Variants in TENT5C observed in about 807,000 individuals in gnomAD.
The protein encoded by TENT5C is family with sequence similarity 46 member C.
In TENT5C, 5 loss-of-function variants were observed where a neutral mutation model predicts 22.2. That is an observed-to-expected ratio of 0.22 (90% CI 0.12 to 0.47). The LOEUF is 0.47. TENT5C is among the 20% of genes least tolerant of loss of function. TENT5C has a pLI of 0.99. For synonymous variants in TENT5C, 199 were observed against 195.4 expected (o/e 1.02, Z -0.15); for missense variants, 364 against 500.9 (o/e 0.73, Z 2.61).
At chr1:117,608,280 A>C (rs963527787) in intron 1 of TENT5C, among the ~76,000 whole-genome samples, 1 of 152,206 alleles carries the variant, frequency 6.6e-6, no homozygotes, top group Non-Finnish European at 1.5e-5. Flanking sequence ...CCTGCTTGTC[A>C]GAGTGAGCAT....
chr1:117,608,215 C>T (rs879634285), intron 1 of TENT5C, among the ~76,000 whole-genome samples: 3 of 152,144 alleles, frequency 2.0e-5, no homozygotes, highest in Admixed American at 1.3e-4. Context: ...CAATACCTAC[C>T]TTGTATCCAG....
Position 117,626,155 on chromosome 1 carries a change from A to C in TENT5C, c.*2111A>C. 1 of 246,676 alleles carries C rather than the reference A, an allele frequency of 4.1e-6. No individual in the cohort carries two copies. Among genetic ancestry groups the C allele is most frequent in the Non-Finnish European group, 8.5e-6 (1 of 117,730 alleles). 15.3% of individuals were successfully genotyped at this position (246,676 alleles called of 1,614,324 possible). ...ATGTGATGAAGCCACCAACATAAGC[A>C]CTTGCCTAACAGAAATCAGTATTTC... On this transcript the variant is annotated 3_prime_UTR_variant, in exon 2 of 2. Transcript: ENST00000369448.
rs1414768010 is a variant in TENT5C at position 117,623,558 on chromosome 1, G to C, written c.690G>C (p.Leu230=). ...EEAFDHLQNR[L]IATKNPEEIR... ...CTTTTGACCATCTGCAGAACAGACT[G>C]ATCGCCACCAAGAACCCAGAAGAAA... The change falls in exon 2 of 2, where the codon CTG becomes CTC. Residue 230 remains leucine, a synonymous_variant. Coordinates refer to ENST00000369448, the MANE Select transcript of TENT5C (RefSeq NM_017709.4). 4 of 1,613,974 alleles carry C rather than the reference G, an allele frequency of 2.5e-6. No individual in the cohort carries two copies. The highest frequency in any genetic ancestry group is 3.4e-6 in the Non-Finnish European group (4 of 1,180,006).
At chr1:117,613,276 A>T (rs1553248822) in intron 1 of TENT5C, among the ~76,000 whole-genome samples, 3 of 152,216 alleles carry the variant, frequency 2.0e-5, no homozygotes, top group Non-Finnish European at 4.4e-5. Flanking sequence ...CCATCTGAAG[A>T]TGTCTGTGTC....
At chr1:117,618,623 G>T (rs542130405) in intron 1 of TENT5C, among the ~76,000 whole-genome samples, 1 of 152,272 alleles carries the variant, frequency 6.6e-6, no homozygotes, top group East Asian at 1.9e-4. Flanking sequence ...AAAGGGGATT[G>T]AAGAAGTTAA....
At chr1:117,607,627 C>A (rs561966908) in intron 1 of TENT5C, among the ~76,000 whole-genome samples, 2 of 152,168 alleles carry the variant, frequency 1.3e-5, no homozygotes, top group Non-Finnish European at 2.9e-5. Flanking sequence ...TTGGCGACAG[C>A]AACCTTTCAA....
intron 1 of TENT5C, among the ~76,000 whole-genome samples, chr1:117,621,133 A>G (rs1028269396): frequency 6.6e-6 from 1 of 152,088 alleles, no homozygotes; most frequent in Non-Finnish European, 1.5e-5. Context: ...ATAGCCTAGG[A>G]CTTTTTAACG....
At chr1:117,617,796 A>C (rs1415601438) in intron 1 of TENT5C, among the ~76,000 whole-genome samples, 1 of 152,226 alleles carries the variant, frequency 6.6e-6, no homozygotes, top group African/African-American at 2.4e-5. Flanking sequence ...CTGTTGGACT[A>C]AGCACTGATG....
At chr1:117,612,112 T>C (rs1273752275) in intron 1 of TENT5C, among the ~76,000 whole-genome samples, 1 of 152,156 alleles carries the variant, frequency 6.6e-6, no homozygotes, top group African/African-American at 2.4e-5. Context: ...CAACCCAAAG[T>C]TATGGAAGGA....
Position 117,608,481 on chromosome 1 carries a change from G to T in TENT5C, c.-28+2328G>T, listed in dbSNP as rs143735698. Among the ~76,000 whole-genome samples the T allele has an allele frequency of 1.8e-3, 269 of 152,162 alleles. 1 individual carries two copies. Among genetic ancestry groups the T allele is most frequent in the African/African-American group, 6.0e-3 (248 of 41,492 alleles). On this transcript the variant is annotated intron_variant, in intron 1 of 1. Transcript: ENST00000369448. The stretch of plus-strand genomic sequence containing the variant: ...CAGATCATGCACATCTTGCGCTGCC[G>T]GTCAGAGAACAGAATTCCTCATATT...
intron 1 of TENT5C, among the ~76,000 whole-genome samples, chr1:117,614,568 C>T (rs1164813620): frequency 6.6e-6 from 1 of 152,196 alleles, no homozygotes; most frequent in Non-Finnish European, 1.5e-5. Context: ...GCAAATTTAT[C>T]AGCCATTTCT....
At chr1:117,620,356 T>G (rs1003853655) in intron 1 of TENT5C, among the ~76,000 whole-genome samples, 9 of 152,246 alleles carry the variant, frequency 5.9e-5, no homozygotes, top group Non-Finnish European at 1.3e-4. Flanking sequence ...CATTACAGCC[T>G]CTGGTTTCCG....
At chr1:117,610,872 A>T (rs761439970) in intron 1 of TENT5C, among the ~76,000 whole-genome samples, 1 of 152,126 alleles carries the variant, frequency 6.6e-6, no homozygotes, top group East Asian at 1.9e-4. Context: ...TCTAGTTCTT[A>T]AATTTTTATC....
rs750620947 is a variant in TENT5C, at chr1:117,623,309, G to A, written c.441G>A (p.Thr147=). 21 of 1,614,024 alleles carry A rather than the reference G, an allele frequency of 1.3e-5. No individual in the cohort carries two copies. Among genetic ancestry groups the A allele is most frequent in the Admixed American group, 6.7e-5 (4 of 59,996 alleles). Residue 147 remains threonine (T), a synonymous_variant, in exon 2 of 2, where the codon ACG becomes ACA. Coordinates refer to ENST00000369448, the MANE Select transcript of TENT5C (RefSeq NM_017709.4). ...TGCAGAAGCTAGTGAAGGTTTGCAC[G>A]GACACTGACCGCTGGAGCCTGATCT... ...AYVQKLVKVC[T]DTDRWSLISL...
At chr1:117,607,205 C>G (rs946923923) in intron 1 of TENT5C, among the ~76,000 whole-genome samples, 1 of 152,210 alleles carries the variant, frequency 6.6e-6, no homozygotes. Context: ...AAATGAATGC[C>G]TGGCGAGCTT....
At chr1:117,612,428 G>A (rs1027569188) in intron 1 of TENT5C, among the ~76,000 whole-genome samples, 5 of 151,514 alleles carry the variant, frequency 3.3e-5, no homozygotes. Context: ...AATCTTCTGA[G>A]ACTGGCAGGG....
chr1:117,606,192 G>A (rs1371199336), intron 1 of TENT5C, 39 bp downstream of exon 1: 1 of 152,212 alleles, frequency 6.6e-6, no homozygotes, highest in Non-Finnish European at 1.5e-5. Context: ...GTGCGGCGAT[G>A]CGGCAGCAGC....
intron 1 of TENT5C, among the ~76,000 whole-genome samples, chr1:117,620,114 C>T (rs998379017): frequency 1.3e-5 from 2 of 152,176 alleles, no homozygotes; most frequent in East Asian, 1.9e-4. Context: ...AAAAAAGGCT[C>T]ATAGCTTCCA....
intron 1 of TENT5C, among the ~76,000 whole-genome samples, chr1:117,612,020 T>C (rs1287306015): frequency 6.6e-6 from 1 of 152,230 alleles, no homozygotes; most frequent in Non-Finnish European, 1.5e-5. Context: ...ACCTACTGTA[T>C]TGGGCAGCAC....
Sources: allele counts gnomAD v4.1 joint callset (sites outside exome capture counted in the v4.1 genomes callset), GRCh38; gene constraint gnomAD v4.1.1; transcripts MANE v1.5; gene names NCBI Gene and HGNC (gene_info 2026-07-23, HGNC 2026-07-21).